RNF150: variants seen among roughly 807,000 people sequenced by gnomAD.
RNF150 encodes ring finger protein 150.
RNF150 carries 24 observed loss-of-function variants against 39.3 expected under a neutral mutation model. The ratio of observed to expected loss-of-function variants is 0.61; its 90% CI spans 0.44 to 0.86. The LOEUF (loss-of-function observed/expected upper bound fraction) is 0.86, where lower values mean the gene tolerates loss of function less well. Among genes scored for constraint, RNF150 ranks in the 40% least tolerant of loss-of-function variants. The probability of loss-of-function intolerance (pLI) is 0.00; values close to 1 mark genes in which losing one functional copy is unlikely to be tolerated. For synonymous variants in RNF150, 255 were observed against 227.3 expected (o/e 1.12, Z -1.10); for missense variants, 502 against 587.8 (o/e 0.85, Z 1.51).
At chr4:141,082,726 C>A (rs1738206681) in intron 1 of RNF150, among the ~76,000 whole-genome samples, 1 of 150,910 alleles carries the variant, frequency 6.6e-6, no homozygotes, top group Non-Finnish European at 1.5e-5. Flanking sequence ...GTAGCTGGGA[C>A]TACAGGCGCC....
chr4:140,918,661 G>T (rs1730958704), intron 5 of RNF150, among the ~76,000 whole-genome samples: 1 of 151,838 alleles, frequency 6.6e-6, no homozygotes, highest in Admixed American at 6.6e-5. Flanking sequence ...TACAAAAAGA[G>T]GAAATCCTCC....
At chr4:141,162,742 GACTGTGCCATGAGGAA>G (rs1419183863) in intron 1 of RNF150, among the ~76,000 whole-genome samples, 2 of 152,094 alleles carry the variant, frequency 1.3e-5, no homozygotes, top group Non-Finnish European at 2.9e-5. Flanking sequence ...AAGCATGAGG[GACTGTGCCATGAGGAA>G]CAGTGCTATC....
chr4:141,132,220 G>C lies in RNF150; in HGVS notation c.484+105C>G. The C allele has an allele frequency of 8.2e-7, 1 of 1,226,356 alleles. No homozygotes were observed. The highest frequency in any genetic ancestry group is 1.1e-6 in the Non-Finnish European group (1 of 879,814). The allele number at this position is 1,226,356 out of a possible 1,614,324, so 76.0% of individuals were successfully genotyped here. A position where few individuals can be genotyped will look rare whatever the true frequency, so the allele number is the denominator to read the frequency against. ...TCCAGGGAACCCAGACACGTCTTCC[G>C]CGCCGCACGGACTTCCCAGAAGGAG... On this transcript the variant is annotated intron_variant, in intron 1 of 6. Coordinates refer to ENST00000515673, the MANE Select transcript of RNF150 (RefSeq NM_020724.2). This position sits in a 1 kb window ranked among gnomAD's most constrained non-coding sequence, Gnocchi z 4.9.
chr4:140,947,610 C>T (rs779632301), intron 4 of RNF150, 44 bp downstream of exon 4: 1 of 1,473,756 alleles, frequency 6.8e-7, no homozygotes, highest in Non-Finnish European at 9.5e-7. Flanking sequence ...CAGGCACGCT[C>T]CACACACACA....
chr4:141,064,390 G>A (rs995898480), intron 1 of RNF150, among the ~76,000 whole-genome samples: 1 of 152,108 alleles, frequency 6.6e-6, no homozygotes, highest in Admixed American at 6.6e-5. Context: ...AATATTATGA[G>A]GTCAATGGTT....
chr4:141,152,202 G>A (rs1727314007), intron 1 of RNF150, among the ~76,000 whole-genome samples: 3 of 152,138 alleles, frequency 2.0e-5, no homozygotes, highest in South Asian at 2.1e-4. Context: ...ATTCATCAAC[G>A]GGTGAGATAT....
intron 1 of RNF150, among the ~76,000 whole-genome samples, chr4:141,174,960 C>T (rs11100707): frequency 0.55 from 83,868 of 151,576 alleles, 23,831 homozygotes; most frequent in East Asian, 0.81. Context: ...GCAATGGCAG[C>T]CTTAGCAGGA....
intron 1 of RNF150, among the ~76,000 whole-genome samples, chr4:140,976,170 C>A (rs1292720602): frequency 1.3e-5 from 2 of 152,094 alleles, no homozygotes; most frequent in African/African-American, 4.8e-5. Context: ...CCCATTCATT[C>A]CACATGCCTC....
intron 1 of RNF150, among the ~76,000 whole-genome samples, chr4:141,123,749 T>C (rs1726676679): frequency 6.6e-6 from 1 of 152,128 alleles, no homozygotes; most frequent in African/African-American, 2.4e-5. Flanking sequence ...CCCCACCCTA[T>C]GTCCAAGTGT....
chr4:140,928,918 C>T (rs1380187130), intron 4 of RNF150, among the ~76,000 whole-genome samples: 1 of 152,138 alleles, frequency 6.6e-6, no homozygotes, highest in Non-Finnish European at 1.5e-5. Context: ...CCAATATATC[C>T]TCCAATTAGA....
chr4:141,025,755 T>C (rs1340339898), intron 1 of RNF150, among the ~76,000 whole-genome samples: 3 of 152,150 alleles, frequency 2.0e-5, no homozygotes, highest in Admixed American at 1.3e-4. Flanking sequence ...GGGTCAGATA[T>C]GTAAGTTAAA....
intron 1 of RNF150, among the ~76,000 whole-genome samples, chr4:141,110,479 G>A (rs1313362022): frequency 1.3e-5 from 2 of 151,942 alleles, no homozygotes; most frequent in Non-Finnish European, 2.9e-5. Context: ...AGACTGGAGT[G>A]AAGTGGAGTG....
intron 1 of RNF150, among the ~76,000 whole-genome samples, chr4:141,175,512 A>T (rs1727794789): frequency 6.6e-6 from 1 of 152,210 alleles, no homozygotes. Flanking sequence ...TCCAAAGAAA[A>T]GTTCCAATTC....
intron 5 of RNF150, among the ~76,000 whole-genome samples, chr4:140,916,560 G>A (rs970766101): frequency 9.2e-5 from 14 of 152,184 alleles, no homozygotes; most frequent in African/African-American, 3.1e-4. Context: ...CCAAATCTAC[G>A]TCTAATTGGT....
At chr4:141,101,672 T>G (rs551648384) in intron 1 of RNF150, among the ~76,000 whole-genome samples, 2 of 152,368 alleles carry the variant, frequency 1.3e-5, no homozygotes, top group Admixed American at 1.3e-4. Flanking sequence ...TCAGTAGGTT[T>G]GTTTACACCA....
rs150161461 is a variant in RNF150 at position 141,093,726 on chromosome 4, G to A, written c.484+38599C>T. 1.9e-3 allele frequency among the ~76,000 whole-genome samples: 285 copies of A among 152,178 alleles called. 1 individual carries two copies. The highest frequency in any genetic ancestry group is 6.6e-3 in the African/African-American group (273 of 41,506). ...AACATCTGCCTTGAGAAATTCTCATGGACAAAGTTCTAAAGAACATAAACT... is the reference window on the plus strand; with the variant it reads ...AACATCTGCCTTGAGAAATTCTCATAGACAAAGTTCTAAAGAACATAAACT... On this transcript the variant is annotated intron_variant, in intron 1 of 6. Coordinates refer to ENST00000515673, the MANE Select transcript of RNF150 (RefSeq NM_020724.2).
At chr4:140,895,622 T>C (rs1271339528) in intron 6 of RNF150, among the ~76,000 whole-genome samples, 1 of 152,216 alleles carries the variant, frequency 6.6e-6, no homozygotes, top group Non-Finnish European at 1.5e-5. Flanking sequence ...TCATTCTGCT[T>C]AGCAGTTACC....
intron 5 of RNF150, among the ~76,000 whole-genome samples, chr4:140,919,667 A>C (rs1247311643): frequency 3.3e-5 from 5 of 150,164 alleles, no homozygotes; most frequent in Non-Finnish European, 7.4e-5. Flanking sequence ...GACTTTCTTC[A>C]CAGAACTGGA....
intron 4 of RNF150, among the ~76,000 whole-genome samples, chr4:140,944,991 A>G (rs1037033418): frequency 6.6e-6 from 1 of 152,244 alleles, no homozygotes; most frequent in Non-Finnish European, 1.5e-5. Context: ...TAAAACCTAC[A>G]TGGAAAAAAT....
Sources: gnomAD v4.1 joint callset for allele counts (sites outside exome capture counted in the v4.1 genomes callset) on GRCh38, gnomAD v4.1.1 for gene constraint, Gnocchi (gnomAD v3.1) non-coding constraint, MANE v1.5 for transcripts, NCBI Gene and HGNC (gene_info 2026-07-23, HGNC 2026-07-21) for gene names.